Variants in PDCD6 observed in about 807,000 individuals in gnomAD.
PDCD6 encodes programmed cell death 6, also known as programmed cell death protein 6.
PDCD6 carries 12 observed loss-of-function variants against 28.3 expected under a neutral mutation model. That is an observed-to-expected ratio of 0.42 (90% CI 0.27 to 0.69). PDCD6 has a LOEUF of 0.69. PDCD6 is among the 30% of genes least tolerant of loss of function. PDCD6 has a pLI of 0.22. For synonymous variants in PDCD6, 92 were observed against 108.0 expected (o/e 0.85, Z 0.92); for missense variants, 226 against 269.9 (o/e 0.84, Z 1.14).
At chr5:291,596 C>T (rs1380797632) in intron 2 of PDCD6, among the ~76,000 whole-genome samples, 3 of 150,382 alleles carry the variant, frequency 2.0e-5, no homozygotes, top group Admixed American at 2.0e-4. Context: ...CCCACACTGA[C>T]GTGGCTCCTT....
At chr5:277,301 ATTTT>A (rs74799424) in intron 2 of PDCD6, among the ~76,000 whole-genome samples, 7 of 86,186 alleles carry the variant, frequency 8.1e-5, no homozygotes, top group Admixed American at 1.4e-4. Flanking sequence ...AATTTTTTGT[ATTTT>A]TTTTTTTTTT....
intron 2 of PDCD6, among the ~76,000 whole-genome samples, chr5:274,429 G>A (rs1375754386): frequency 6.6e-6 from 1 of 152,214 alleles, no homozygotes; most frequent in Non-Finnish European, 1.5e-5. Context: ...GGGCCTGCCT[G>A]GATTCCAGTC....
chr5:281,936 A>G (rs11956507), intron 2 of PDCD6, among the ~76,000 whole-genome samples: 850 of 78,678 alleles, frequency 0.011, no homozygotes, highest in African/African-American at 0.055. Context: ...TCATGCAGCT[A>G]AAGACTTGGG....
rs1021649726 is a variant in PDCD6 at position 289,868 on chromosome 5, C to T, written c.164-14309C>T. ...CTTGGTGAATTTCCAGGAAACATAA[C>T]ACCATTCATTCGATTTAAACTATTG... On this transcript the variant is annotated intron_variant, in intron 2 of 5. Transcript: ENST00000264933. 1.3e-5 allele frequency: 20 copies of T among 1,507,404 alleles called. No individual in the cohort carries two copies. In the African/African-American group the frequency reaches 2.5e-4, roughly 19 times the overall value. The allele number at this position is 1,507,404 out of a possible 1,614,324, so 93.4% of individuals were successfully genotyped here.
chr5:301,798 T>C (rs978840436), intron 2 of PDCD6, among the ~76,000 whole-genome samples: 2 of 149,662 alleles, frequency 1.3e-5, no homozygotes, highest in Non-Finnish European at 3.0e-5. Flanking sequence ...TGTGTATGCC[T>C]CGGGTTCAGG....
intron 2 of PDCD6, among the ~76,000 whole-genome samples, chr5:286,545 T>C (rs1480705119): frequency 6.6e-6 from 1 of 151,928 alleles, no homozygotes; most frequent in Non-Finnish European, 1.5e-5. Context: ...TTGAGAGCTG[T>C]GCAGCTGGAG....
At chr5:281,813 A>G (rs151313521) in intron 2 of PDCD6, among the ~76,000 whole-genome samples, 25 of 150,734 alleles carry the variant, frequency 1.7e-4, no homozygotes, top group African/African-American at 5.8e-4. Context: ...ACAGGAGCTG[A>G]TGTTATAGAT....
intron 2 of PDCD6, among the ~76,000 whole-genome samples, chr5:273,876 T>C (rs779218588): frequency 5.9e-5 from 9 of 152,200 alleles, no homozygotes; most frequent in Non-Finnish European, 1.2e-4. Flanking sequence ...AATGCTGTTA[T>C]CTCTACACTA....
intron 2 of PDCD6, among the ~76,000 whole-genome samples, chr5:294,384 A>C (rs530119080): frequency 6.6e-6 from 1 of 152,126 alleles, no homozygotes; most frequent in East Asian, 1.9e-4. Context: ...TATTAAAGAG[A>C]GGGCAGATAT....
chr5:283,879 C>A (rs1267816127), intron 2 of PDCD6, among the ~76,000 whole-genome samples: 1 of 149,408 alleles, frequency 6.7e-6, no homozygotes, highest in East Asian at 2.0e-4. Context: ...GCTGAAGACT[C>A]GGGGAGGAGC....
At chr5:287,420 A>G (rs550126339) in intron 2 of PDCD6, among the ~76,000 whole-genome samples, 5 of 152,298 alleles carry the variant, frequency 3.3e-5, no homozygotes, top group South Asian at 4.1e-4. Flanking sequence ...CTCGGGATCA[A>G]TGCATTCCTT....
chr5:272,983 G>A, intron 2 of PDCD6: 1 of 835,628 alleles, frequency 1.2e-6, no homozygotes, highest in South Asian at 1.7e-5. Context: ...GCTAACAACT[G>A]CGTGCGTGAG....
chr5:304,988 A>G (rs928875499), intron 3 of PDCD6: 1 of 152,166 alleles, frequency 6.6e-6, no homozygotes, highest in African/African-American at 2.4e-5. Context: ...CCCCATGCCC[A>G]GACGGTAGCC....
At chr5:290,100 G>A (rs1283721152) in intron 2 of PDCD6, 2 of 1,571,114 alleles carry the variant, frequency 1.3e-6, no homozygotes, top group Non-Finnish European at 1.8e-6. Context: ...GAATATATTC[G>A]ACATTAGGGT....
chr5:276,444 CCTT>C (rs1738207160), intron 2 of PDCD6: 27 of 986,430 alleles, frequency 2.7e-5, no homozygotes, highest in Non-Finnish European at 3.3e-5. Flanking sequence ...ATATCCTCTT[CCTT>C]CTTCTCTCTG....
intron 2 of PDCD6, among the ~76,000 whole-genome samples, chr5:277,937 A>G (rs1333949529): frequency 6.7e-6 from 1 of 149,972 alleles, no homozygotes; most frequent in Non-Finnish European, 1.5e-5. Flanking sequence ...AAAAGAATAG[A>G]ATAACCCTTG....
intron 2 of PDCD6, among the ~76,000 whole-genome samples, chr5:284,827 G>C (rs114128445): frequency 1.8e-4 from 28 of 151,736 alleles, no homozygotes; most frequent in Admixed American, 9.8e-4. Flanking sequence ...GGAGACCCGG[G>C]GGGGAGAAGA....
At chr5:292,826 C>T (rs147525625) in intron 2 of PDCD6, among the ~76,000 whole-genome samples, 10,085 of 152,222 alleles carry the variant, frequency 0.066, 537 homozygotes, top group Non-Finnish European at 0.088. Flanking sequence ...CATGGGATCT[C>T]CCTTATGCAT....
At chr5:314,195 G>A (rs1579563484) in intron 5 of PDCD6, among the ~76,000 whole-genome samples, 3 of 152,338 alleles carry the variant, frequency 2.0e-5, no homozygotes, top group Admixed American at 2.0e-4. Flanking sequence ...AGCCAGGGCT[G>A]GATGTCCGGA....
Sources: allele counts gnomAD v4.1 joint callset (sites outside exome capture counted in the v4.1 genomes callset), GRCh38; gene constraint gnomAD v4.1.1; transcripts MANE v1.5; gene names NCBI Gene and HGNC (gene_info 2026-07-23, HGNC 2026-07-21).